The following NUMB variants were observed in gnomAD, a reference collection of about 807,000 sequenced individuals.
The protein encoded by NUMB is NUMB endocytic adaptor protein, also known as protein numb homolog.
NUMB carries 29 observed loss-of-function variants against 59.7 expected under a neutral mutation model. The ratio of observed to expected loss-of-function variants is 0.49; its 90% CI spans 0.36 to 0.66. NUMB has a LOEUF of 0.66. Among genes scored for constraint, NUMB ranks in the 30% least tolerant of loss-of-function variants. The pLI is 0.00. For synonymous variants in NUMB, 288 were observed against 288.2 expected (o/e 1.00, Z 0.01); for missense variants, 723 against 822.0 (o/e 0.88, Z 1.47).
At chr14:73,446,129 T>A (rs902671092) in intron 1 of NUMB, among the ~76,000 whole-genome samples, 2 of 151,604 alleles carry the variant, frequency 1.3e-5, no homozygotes, top group Non-Finnish European at 2.9e-5. Context: ...CCCGAGTAGC[T>A]GGGACTATAA....
chr14:73,288,731 T>C (rs1594865735), intron 8 of NUMB, among the ~76,000 whole-genome samples: 1 of 151,860 alleles, frequency 6.6e-6, no homozygotes, highest in African/African-American at 2.4e-5. Flanking sequence ...TGATGGCGCA[T>C]GCCTGTAATC....
At chr14:73,333,393 C>CT (rs201533734) in intron 4 of NUMB, among the ~76,000 whole-genome samples, 20 of 151,366 alleles carry the variant, frequency 1.3e-4, no homozygotes, top group East Asian at 5.8e-4. Flanking sequence ...AGGTAAATTT[C>CT]TTTTTTTTTA....
intron 2 of NUMB, among the ~76,000 whole-genome samples, chr14:73,405,827 C>T (rs1407837478): frequency 2.0e-5 from 3 of 152,112 alleles, no homozygotes; most frequent in Admixed American, 6.6e-5. Flanking sequence ...AAAGTGACCC[C>T]ATAATGTTGT....
chr14:73,457,359 T>G (rs1035013000), intron 1 of NUMB, among the ~76,000 whole-genome samples: 4 of 152,236 alleles, frequency 2.6e-5, no homozygotes, highest in Non-Finnish European at 5.9e-5. Context: ...AGCTTTGCTT[T>G]GGTCCTAGAT....
At chr14:73,285,962 C>T (rs1259117145) in intron 9 of NUMB, among the ~76,000 whole-genome samples, 3 of 149,286 alleles carry the variant, frequency 2.0e-5, no homozygotes, top group African/African-American at 2.5e-5. Flanking sequence ...ACCAAAACAA[C>T]AACAACAAAA....
chr14:73,415,362 T>C (rs1281545065), intron 1 of NUMB, among the ~76,000 whole-genome samples: 4 of 152,182 alleles, frequency 2.6e-5, no homozygotes, highest in African/African-American at 9.6e-5. Flanking sequence ...AAATGAACAA[T>C]GATATAACCA....
At chr14:73,410,407 G>A (rs1282021459) in intron 1 of NUMB, among the ~76,000 whole-genome samples, 1 of 152,192 alleles carries the variant, frequency 6.6e-6, no homozygotes, top group East Asian at 1.9e-4. Context: ...CTAGGAGTCA[G>A]AAGACCTGGG....
intron 1 of NUMB, among the ~76,000 whole-genome samples, chr14:73,415,172 T>C (rs1897073581): frequency 8.3e-6 from 1 of 120,966 alleles, no homozygotes; most frequent in South Asian, 2.6e-4. Context: ...TTGGTCTGAT[T>C]CTTTAACAGA....
intron 1 of NUMB, among the ~76,000 whole-genome samples, chr14:73,414,670 A>G (rs555761759): frequency 9.9e-5 from 15 of 152,248 alleles, no homozygotes; most frequent in African/African-American, 3.6e-4. Context: ...TATAGGCATG[A>G]ACCATCGTGC....
At chr14:73,281,510 C>T (rs1888635735) in intron 11 of NUMB, 1 of 152,132 alleles carries the variant, frequency 6.6e-6, no homozygotes, top group Non-Finnish European at 1.5e-5. Flanking sequence ...AGGGCACTAT[C>T]TCTGGAGTAA....
chr14:73,356,096 A>G (rs949898094), intron 3 of NUMB, among the ~76,000 whole-genome samples: 2 of 152,202 alleles, frequency 1.3e-5, no homozygotes, highest in African/African-American at 4.8e-5. Context: ...TAACAAAGCA[A>G]TGAGAAATTC....
At chr14:73,443,866 G>A (rs890035426) in intron 1 of NUMB, among the ~76,000 whole-genome samples, 13 of 151,352 alleles carry the variant, frequency 8.6e-5, no homozygotes, top group African/African-American at 2.7e-4. Context: ...TTGCCCTCTC[G>A]AACTCCTGAG....
chr14:73,369,194 A>G (rs913768786), intron 2 of NUMB, among the ~76,000 whole-genome samples: 14 of 152,122 alleles, frequency 9.2e-5, no homozygotes, highest in Middle Eastern at 3.4e-3. Context: ...GGTGCTCGCC[A>G]CCACACCCAG....
intron 6 of NUMB, among the ~76,000 whole-genome samples, chr14:73,311,959 T>A (rs966575346): frequency 1.3e-5 from 2 of 152,200 alleles, no homozygotes; most frequent in African/African-American, 4.8e-5. Flanking sequence ...GAAAAAATTA[T>A]CATTTAAAAG....
In NUMB at chr14:73,382,874, A is replaced by G. The variant is rs531012027; in HGVS notation, c.-100-15893T>C. ...AAAAGATCAAATAGGAGCTGGGCAC[A>G]GTGGCTCATGCCTGTAATCCCAGCA... On this transcript the variant is annotated intron_variant, in intron 2 of 12. Coordinates refer to ENST00000555238, the MANE Select transcript of NUMB (RefSeq NM_001005743.2). Among the ~76,000 whole-genome samples the G allele has an allele frequency of 1.2e-4, 18 of 152,326 alleles. No homozygotes were observed. In the South Asian group the frequency reaches 3.7e-3, roughly 32 times the overall value.
intron 6 of NUMB, among the ~76,000 whole-genome samples, chr14:73,300,348 G>A (rs1014084783): frequency 2.6e-5 from 4 of 152,088 alleles, no homozygotes; most frequent in African/African-American, 9.7e-5. Flanking sequence ...TGTAAAGGAG[G>A]GAGTAGCAAG....
In NUMB at chr14:73,276,715, G is replaced by C. The variant is rs1308708865; in HGVS notation, c.1819C>G (p.Pro607Ala). Residue 607 changes from proline (P) to alanine (A), a missense_variant, in exon 13 of 13, where the codon CCT (proline) becomes GCT (alanine). This residue lies in a region of NUMB where 406 missense variants were observed against 385.4 expected (regional missense o/e 1.05). Transcript: ENST00000555238. ...LASADRHTEV[P>A]TGTCPVDPFE... ...GGATCCACTGGGCAGGTGCCTGTAG[G>C]AACCTCTGTATGCCTGTCTGCTGAG... 6.2e-7 allele frequency: 1 copy of C among 1,614,204 alleles called. No homozygotes were observed. The highest frequency in any genetic ancestry group is 1.1e-5 in the South Asian group (1 of 91,080).
chr14:73,412,830 A>T lies in NUMB; in HGVS notation c.-232-2762T>A, dbSNP rs570502791. Among the ~76,000 whole-genome samples the T allele has an allele frequency of 2.6e-5, 4 of 151,800 alleles. No homozygotes were observed. The East Asian group carries it at 7.8e-4, about 30-fold the overall frequency. On this transcript the variant is annotated intron_variant, in intron 1 of 12. Coordinates refer to ENST00000555238, the MANE Select transcript of NUMB (RefSeq NM_001005743.2). ...ATTTTTTTATAAGCAGGGTCTTGTC[A>T]TGTTGCCCACACTGGCTTCAAACTC...
intron 3 of NUMB, among the ~76,000 whole-genome samples, chr14:73,365,508 T>A (rs1894302495): frequency 6.6e-6 from 1 of 152,138 alleles, no homozygotes; most frequent in Non-Finnish European, 1.5e-5. Flanking sequence ...AGGCTGGGCA[T>A]GGTAGTAATA....
Sources: allele counts gnomAD v4.1 joint callset (sites outside exome capture counted in the v4.1 genomes callset), GRCh38; gene constraint gnomAD v4.1.1; regional missense constraint gnomAD v4.1.1; transcripts MANE v1.5; gene names NCBI Gene and HGNC (gene_info 2026-07-23, HGNC 2026-07-21).